IL15: variants seen among roughly 807,000 people sequenced by gnomAD.
IL15 encodes interleukin-15.
Under a neutral mutation model 19.6 loss-of-function variants are expected in IL15, and 11 were observed. The observed-to-expected ratio is 0.56, with a 90% CI of 0.35 to 0.93. The LOEUF is 0.93. IL15 is among the 40% of genes least tolerant of loss of function. The pLI is 0.01. For synonymous variants in IL15, 58 were observed against 59.6 expected, an observed-to-expected ratio of 0.97 and a Z score of 0.12; for missense variants, 197 against 186.5, an observed-to-expected ratio of 1.06 and a Z score of -0.33.
chr4:141,651,302 C>T (rs1727398617), intron 1 of IL15, among the ~76,000 whole-genome samples: 1 of 151,868 alleles, frequency 6.6e-6, no homozygotes, highest in Non-Finnish European at 1.5e-5. Context: ...AATTGGAGGC[C>T]ATTATCTCAA....
chr4:141,667,831 A>T (rs185377778), intron 2 of IL15, among the ~76,000 whole-genome samples: 1 of 152,282 alleles, frequency 6.6e-6, no homozygotes, highest in East Asian at 1.9e-4. Context: ...GGAACCCTCT[A>T]TGGATTAGAC....
chr4:141,671,012 A>T (rs943610775), intron 2 of IL15, among the ~76,000 whole-genome samples: 8 of 152,202 alleles, frequency 5.3e-5, no homozygotes, highest in African/African-American at 1.9e-4. Flanking sequence ...AATATTTAAA[A>T]TGGCAGAAGA....
At chr4:141,674,278 T>G (rs10021490) in intron 2 of IL15, among the ~76,000 whole-genome samples, 70 of 152,338 alleles carry the variant, frequency 4.6e-4, no homozygotes, top group African/African-American at 1.5e-3. Flanking sequence ...GTGTGCTTTG[T>G]GGAGTCATTT....
intron 2 of IL15, among the ~76,000 whole-genome samples, chr4:141,672,217 T>C (rs946903224): frequency 2.6e-5 from 4 of 152,242 alleles, no homozygotes; most frequent in Non-Finnish European, 5.9e-5. Flanking sequence ...GTTTGAAGGT[T>C]CTTAATTCTT....
In IL15 at chr4:141,720,579, T is replaced by C; in HGVS notation, c.110+13T>C. ...TCTTCATTTTGGGGTAATTTTATCT[T>C]TAGGCATAAATAACATTATGTTCAT... On this transcript the variant is annotated intron_variant, in intron 4 of 7. Transcript: ENST00000320650. The C allele has an allele frequency of 7.8e-7, 1 of 1,282,476 alleles. No homozygotes were observed. The highest frequency in any genetic ancestry group is 1.2e-5 in the South Asian group (1 of 84,164). 79.4% of individuals were successfully genotyped at this position (1,282,476 alleles called of 1,614,324 possible).
Position 141,690,986 on chromosome 4 carries a change from G to T in IL15, c.-99-28380G>T, listed in dbSNP as rs73849801. On this transcript the variant is annotated intron_variant, in intron 2 of 7. Coordinates refer to ENST00000320650, the MANE Select transcript of IL15 (RefSeq NM_000585.5). ...GATGATTTATTTTTATCATCTCTAGGATGTTTCTTGCATCTAAAAATCCTA... is the reference window on the plus strand; with the variant it reads ...GATGATTTATTTTTATCATCTCTAGTATGTTTCTTGCATCTAAAAATCCTA... 5.0e-3 allele frequency among the ~76,000 whole-genome samples: 753 copies of T among 151,038 alleles called. 6 individuals are homozygous for T. Among genetic ancestry groups the T allele is most frequent in the African/African-American group, 0.018 (730 of 41,072 alleles).
chr4:141,668,151 T>C (rs904330144), intron 2 of IL15, among the ~76,000 whole-genome samples: 2 of 152,242 alleles, frequency 1.3e-5, no homozygotes, highest in African/African-American at 4.8e-5. Context: ...AATGATTGAT[T>C]TTGAGATAGA....
At chr4:141,638,899 T>C (rs867427456) in intron 1 of IL15, among the ~76,000 whole-genome samples, 7 of 152,192 alleles carry the variant, frequency 4.6e-5, no homozygotes, top group African/African-American at 1.7e-4. Flanking sequence ...TATAGACTAC[T>C]GTCCTTTTCC....
chr4:141,693,253 A>C (rs1728984113), intron 2 of IL15, among the ~76,000 whole-genome samples: 1 of 152,074 alleles, frequency 6.6e-6, no homozygotes, highest in Non-Finnish European at 1.5e-5. Context: ...CACTATCCCG[A>C]GAACAGCATG....
intron 2 of IL15, among the ~76,000 whole-genome samples, chr4:141,681,913 C>G (rs1214116861): frequency 6.6e-6 from 1 of 152,120 alleles, no homozygotes; most frequent in Admixed American, 6.5e-5. Flanking sequence ...GTTCCTAAGG[C>G]AAAGAATCAT....
At chr4:141,663,354 C>T (rs968520418) in intron 2 of IL15, among the ~76,000 whole-genome samples, 2 of 152,136 alleles carry the variant, frequency 1.3e-5, no homozygotes, top group Non-Finnish European at 2.9e-5. Flanking sequence ...ACCCTTATAA[C>T]GAAAGACAGA....
intron 2 of IL15, among the ~76,000 whole-genome samples, chr4:141,657,453 A>C (rs1000825024): frequency 6.6e-6 from 1 of 152,012 alleles, no homozygotes; most frequent in Non-Finnish European, 1.5e-5. Context: ...TTTTAAAGTT[A>C]AGAAACAAAC....
At chr4:141,724,040 CT>C (rs1183465921) in intron 5 of IL15, among the ~76,000 whole-genome samples, 14 of 152,052 alleles carry the variant, frequency 9.2e-5, no homozygotes, top group Non-Finnish European at 1.5e-4. Flanking sequence ...AATATACTTT[CT>C]TTTATCAAGA....
At chr4:141,724,970 A>T (rs1253491141) in intron 5 of IL15, among the ~76,000 whole-genome samples, 1 of 152,164 alleles carries the variant, frequency 6.6e-6, no homozygotes, top group African/African-American at 2.4e-5. Context: ...CTGTGATGCT[A>T]AAACCAAATA....
chr4:141,707,825 G>A (rs1729575883), intron 2 of IL15, among the ~76,000 whole-genome samples: 1 of 152,198 alleles, frequency 6.6e-6, no homozygotes, highest in Admixed American at 6.5e-5. Context: ...GAGAGTCAGT[G>A]GCTACTGCTG....
At chr4:141,691,135 G>A (rs184331310) in intron 2 of IL15, among the ~76,000 whole-genome samples, 221 of 10,694 alleles carry the variant, frequency 0.021, no homozygotes, top group African/African-American at 0.12. Context: ...TTCACAAAGT[G>A]GCAGGAGCGA....
At chr4:141,686,388 T>C (rs1728713898) in intron 2 of IL15, among the ~76,000 whole-genome samples, 1 of 152,156 alleles carries the variant, frequency 6.6e-6, no homozygotes, top group Non-Finnish European at 1.5e-5. Context: ...AAAGGCTGCA[T>C]ATCAAGGTGC....
At chr4:141,700,947 C>T (rs908247920) in intron 2 of IL15, among the ~76,000 whole-genome samples, 1 of 152,056 alleles carries the variant, frequency 6.6e-6, no homozygotes, top group African/African-American at 2.4e-5. Flanking sequence ...ATTTCCATGG[C>T]ATGTCTTTCA....
At chr4:141,710,461 CATTTT>C (rs1393102890) in intron 2 of IL15, among the ~76,000 whole-genome samples, 1 of 151,928 alleles carries the variant, frequency 6.6e-6, no homozygotes, top group African/African-American at 2.4e-5. Flanking sequence ...CATTTCGTAT[CATTTT>C]ATTTTTGTTT....
Sources: gnomAD v4.1 joint callset for allele counts (sites outside exome capture counted in the v4.1 genomes callset) on GRCh38, gnomAD v4.1.1 for gene constraint, MANE v1.5 for transcripts, NCBI Gene and HGNC (gene_info 2026-07-23, HGNC 2026-07-21) for gene names.